PIKFYVE: variants seen among roughly 807,000 people sequenced by gnomAD.
The protein encoded by PIKFYVE is 1-phosphatidylinositol 3-phosphate 5-kinase.
Under a neutral mutation model 257.9 loss-of-function variants are expected in PIKFYVE, and 122 were observed. The ratio of observed to expected loss-of-function variants is 0.47; its 90% CI spans 0.41 to 0.55. PIKFYVE has a LOEUF of 0.55. Among genes scored for constraint, PIKFYVE ranks in the 20% least tolerant of loss-of-function variants. PIKFYVE has a pLI of 0.00. For synonymous variants in PIKFYVE, 892 were observed against 868.9 expected, an observed-to-expected ratio of 1.03 and a Z score of -0.47; for missense variants, 2,160 against 2,536.6, an observed-to-expected ratio of 0.85 and a Z score of 3.19.
Position 208,297,558 on chromosome 2 carries a change from G to A in PIKFYVE, c.912-1083G>A, listed in dbSNP as rs1343131242. On this transcript the variant is annotated intron_variant, in intron 7 of 41. Transcript: ENST00000264380. Reference sequence around the variant, plus strand: ...GTGGCAGCCCTGATACATATTAGGCGAGCTACTTTAGGCAGATTACTTAAT... The same window carrying A: ...GTGGCAGCCCTGATACATATTAGGCAAGCTACTTTAGGCAGATTACTTAAT... Among the ~76,000 whole-genome samples, 7 of 151,910 alleles carry A rather than the reference G, an allele frequency of 4.6e-5. No homozygotes were observed. In the South Asian group the frequency reaches 6.3e-4, roughly 14 times the overall value.
intron 35 of PIKFYVE, 101 bp downstream of exon 35, chr2:208,348,124 A>G (rs1049668484): frequency 1.7e-5 from 24 of 1,418,862 alleles, no homozygotes; most frequent in Non-Finnish European, 2.1e-5. Context: ...CTTAGTGCTG[A>G]AACTGGGGCA....
chr2:208,300,833 C>T, intron 8 of PIKFYVE, 104 bp from the exon 9 acceptor site: 2 of 1,436,634 alleles, frequency 1.4e-6, no homozygotes, highest in Non-Finnish European at 1.9e-6. Context: ...TAAAGAAATC[C>T]AAGTTAGGTT....
chr2:208,338,788 C>A (rs1330812040), intron 29 of PIKFYVE, among the ~76,000 whole-genome samples: 1 of 152,034 alleles, frequency 6.6e-6, no homozygotes, highest in East Asian at 1.9e-4. Context: ...ATAAAGAAGG[C>A]TGCTATTAGG....
intron 21 of PIKFYVE, 28 bp downstream of exon 21, chr2:208,328,308 C>A (rs1188444519): frequency 6.2e-7 from 1 of 1,612,626 alleles, no homozygotes; most frequent in Non-Finnish European, 8.5e-7. Context: ...CTACACTATT[C>A]CACATAAGAA....
At chr2:208,294,636 C>A (rs1053421473) in intron 7 of PIKFYVE, among the ~76,000 whole-genome samples, 4 of 151,980 alleles carry the variant, frequency 2.6e-5, no homozygotes, top group African/African-American at 4.8e-5. Flanking sequence ...CAGGGCTTTT[C>A]GTTTTTTTCC....
intron 17 of PIKFYVE, among the ~76,000 whole-genome samples, 162 bp from the exon 18 acceptor site, chr2:208,323,976 ATTTG>A (rs1272052953): frequency 6.6e-6 from 1 of 151,884 alleles, no homozygotes; most frequent in Non-Finnish European, 1.5e-5. Flanking sequence ...TTTCTTGTAA[ATTTG>A]TTTGAGTTTT....
At chr2:208,302,570 C>G in intron 10 of PIKFYVE, 1 of 528,530 alleles carries the variant, frequency 1.9e-6, no homozygotes, top group Non-Finnish European at 3.4e-6. Flanking sequence ...TAAATTTGAT[C>G]AGACAATAAA....
chr2:208,315,288 T>G lies in PIKFYVE; in HGVS notation c.1922T>G (p.Val641Gly). The G allele has an allele frequency of 6.2e-7, 1 of 1,614,192 alleles. No individual in the cohort carries two copies. The highest frequency in any genetic ancestry group is 8.5e-7 in the Non-Finnish European group (1 of 1,180,014). ...TGGAGGGACATCATCGTGTCATTGG[T>G]CTGCCAGGTTGTTCAGACAGTCCGA... ...SSWRDIIVSL[V>G]CQVVQTVRPD... The change falls in exon 15 of 42, where the codon GTC becomes GGC. Residue 641 changes from valine to glycine, a missense_variant. Coordinates refer to ENST00000264380, the MANE Select transcript of PIKFYVE (RefSeq NM_015040.4).
chr2:208,302,574 CAATA>C (rs1243899762), intron 10 of PIKFYVE: 5 of 518,008 alleles, frequency 9.7e-6, no homozygotes, highest in Non-Finnish European at 1.7e-5. Context: ...TTTGATCAGA[CAATA>C]AAAAAGGAAA....
At position 208,285,916 on chromosome 2, in the gene PIKFYVE, T is replaced by C. The variant is rs1189430500; in HGVS notation, c.804T>C (p.Asp268=). Residue 268 remains aspartate (D), a synonymous_variant, in exon 6 of 42, where the codon GAT becomes GAC. Transcript: ENST00000264380. ...CCAGCCGTAACATATTTTTAGAGGA[T>C]GATTTGGCCTGGCAAAGGTATTGTC... ...RKASRNIFLE[D]DLAWQSLIHP... 4.3e-6 allele frequency: 7 copies of C among 1,613,990 alleles called. No homozygotes were observed. Among genetic ancestry groups the C allele is most frequent in the Non-Finnish European group, 5.9e-6 (7 of 1,179,986 alleles).
At chr2:208,312,045 A>G (rs1483266462) in intron 12 of PIKFYVE, among the ~76,000 whole-genome samples, 191 bp from the exon 13 acceptor site, 1 of 152,218 alleles carries the variant, frequency 6.6e-6, no homozygotes, top group African/African-American at 2.4e-5. Context: ...GCTTAAGTTT[A>G]GTATGAAGTG....
intron 6 of PIKFYVE, among the ~76,000 whole-genome samples, chr2:208,287,270 CTTT>C (rs56178613): frequency 2.4e-4 from 32 of 134,984 alleles, no homozygotes; most frequent in Non-Finnish European, 2.4e-4. Flanking sequence ...TTTTCTTTTT[CTTT>C]TTTTTTTTTT....
At chr2:208,338,618 C>G in intron 29 of PIKFYVE, 50 bp downstream of exon 29, 1 of 1,557,306 alleles carries the variant, frequency 6.4e-7, no homozygotes, top group Non-Finnish European at 8.9e-7. Context: ...AAAGAAATTT[C>G]TTATTGTATA....
intron 7 of PIKFYVE, 147 bp downstream of exon 7, chr2:208,288,965 C>A: frequency 1.8e-6 from 2 of 1,096,596 alleles, no homozygotes; most frequent in Non-Finnish European, 2.6e-6. Context: ...TTTCTTTTTG[C>A]TATTCAGCCC....
At chr2:208,301,198 T>C in intron 9 of PIKFYVE, 104 bp downstream of exon 9, 1 of 1,417,298 alleles carries the variant, frequency 7.1e-7, no homozygotes, top group South Asian at 1.2e-5. Flanking sequence ...GTTAGGGTGC[T>C]CTTTGTTTTA....
In PIKFYVE at chr2:208,300,943, G is replaced by A. The variant is rs1215935750; in HGVS notation, c.1057G>A (p.Val353Met). The A allele has an allele frequency of 3.1e-6, 5 of 1,614,056 alleles. No individual in the cohort carries two copies. In the South Asian group the frequency reaches 5.5e-5, roughly 18 times the overall value. ...GCTGTTAATGTGATTGCAGGACAGT[G>A]TGCAGTTAAAAGACCTGTGGAAAAA... ...EDERKILLDSVQLKDLWKKIC... is the reference protein window; with the variant it reads ...EDERKILLDSMQLKDLWKKIC... The change falls in exon 9 of 42, where the codon GTG (valine) becomes ATG (methionine). Residue 353 changes from valine to methionine, a missense_variant. Val to Met is a conservative substitution (Grantham distance 21, BLOSUM62 1). Transcript: ENST00000264380.
intron 36 of PIKFYVE, among the ~76,000 whole-genome samples, 160 bp downstream of exon 36, chr2:208,350,243 A>G (rs1574760720): frequency 6.6e-6 from 1 of 152,126 alleles, no homozygotes; most frequent in South Asian, 2.1e-4. Context: ...TCAACAGTTT[A>G]TAAAATATAA....
rs558093492 is a variant in PIKFYVE, at chr2:208,356,528, C to T, written c.*1223C>T. The T allele has an allele frequency of 6.6e-6, 1 of 152,506 alleles. No individual in the cohort carries two copies. The highest frequency in any genetic ancestry group is 2.1e-4 in the South Asian group (1 of 4,826). The allele number at this position is 152,506 out of a possible 1,614,324, so 9.4% of individuals were successfully genotyped here. A position where few individuals can be genotyped will look rare whatever the true frequency, so the allele number is the denominator to read the frequency against. ...AATTAGCTGGGCATGGTGGCATATACCTGTAACCCCAACTACTTGGGTGGC... is the reference window on the plus strand; with the variant it reads ...AATTAGCTGGGCATGGTGGCATATATCTGTAACCCCAACTACTTGGGTGGC... On this transcript the variant is annotated 3_prime_UTR_variant, in exon 42 of 42. Transcript: ENST00000264380.
chr2:208,287,995 A>G (rs554857194), intron 6 of PIKFYVE, among the ~76,000 whole-genome samples: 1 of 152,286 alleles, frequency 6.6e-6, no homozygotes, highest in East Asian at 1.9e-4. Flanking sequence ...TCTATGTTTA[A>G]TTAAACAATA....
Sources: gnomAD v4.1 joint callset for allele counts (sites outside exome capture counted in the v4.1 genomes callset) on GRCh38, gnomAD v4.1.1 for gene constraint, MANE v1.5 for transcripts, NCBI Gene and HGNC (gene_info 2026-07-23, HGNC 2026-07-21) for gene names.